HCN1: variants seen among roughly 807,000 people sequenced by gnomAD.
HCN1 encodes the protein hyperpolarization activated cyclic nucleotide gated potassium channel 1.
In HCN1, 13 loss-of-function variants were observed where a neutral mutation model predicts 78.9. That is an observed-to-expected ratio of 0.16 (90% CI 0.11 to 0.26). The LOEUF is 0.26. Among genes scored for constraint, HCN1 ranks in the 10% least tolerant of loss-of-function variants. The pLI, the probability that HCN1 is intolerant of heterozygous loss-of-function variation, is 1.00. For missense variants in HCN1, 810 were observed against 1,154.3 expected, an observed-to-expected ratio of 0.70 and a Z score of 4.32; for synonymous variants, 552 against 455.5, an observed-to-expected ratio of 1.21 and a Z score of -2.70.
chr5:45,521,874 T>C (rs540258144), intron 2 of HCN1, among the ~76,000 whole-genome samples: 1 of 152,166 alleles, frequency 6.6e-6, no homozygotes, highest in South Asian at 2.1e-4. Context: ...GGAATTATTA[T>C]GTTTGGTAGA....
At chr5:45,349,089 C>A (rs1244428273) in intron 5 of HCN1, among the ~76,000 whole-genome samples, 8 of 152,112 alleles carry the variant, frequency 5.3e-5, no homozygotes, top group Non-Finnish European at 1.2e-4. Flanking sequence ...AGCACCACAC[C>A]ACACCTCTTC....
At chr5:45,553,116 A>G (rs1055754308) in intron 2 of HCN1, among the ~76,000 whole-genome samples, 1 of 151,878 alleles carries the variant, frequency 6.6e-6, no homozygotes, top group Non-Finnish European at 1.5e-5. Context: ...CTCTGAAGGA[A>G]AGAAATGTAA....
At chr5:45,338,826 C>G (rs1561112902) in intron 5 of HCN1, among the ~76,000 whole-genome samples, 1 of 152,122 alleles carries the variant, frequency 6.6e-6, no homozygotes, top group Non-Finnish European at 1.5e-5. Context: ...CTTCAAAAAT[C>G]AGGTCTGGGT....
chr5:45,574,088 C>T (rs2111907738), intron 2 of HCN1, among the ~76,000 whole-genome samples: 1 of 152,124 alleles, frequency 6.6e-6, no homozygotes, highest in African/African-American at 2.4e-5. Context: ...TTTATTTTTC[C>T]TATCCTATCC....
chr5:45,461,442 T>A (rs1701095128), intron 3 of HCN1, among the ~76,000 whole-genome samples: 1 of 152,130 alleles, frequency 6.6e-6, no homozygotes, highest in Admixed American at 6.6e-5. Flanking sequence ...TGCCTTTGCA[T>A]GTTTTACAAT....
At chr5:45,374,113 CATAATATAT>C (rs1437643585) in intron 4 of HCN1, among the ~76,000 whole-genome samples, 2 of 83,928 alleles carry the variant, frequency 2.4e-5, no homozygotes, top group South Asian at 3.0e-4. Context: ...ATATTATATA[CATAATATAT>C]ATAATATATA....
At position 45,533,762 on chromosome 5, in the gene HCN1, G is replaced by T. The variant is rs1418758935; in HGVS notation, c.850-71755C>A. 2.0e-5 allele frequency among the ~76,000 whole-genome samples: 3 copies of T among 152,200 alleles called. No homozygotes were observed. In the East Asian group the frequency reaches 5.8e-4, roughly 29 times the overall value. On this transcript the variant is annotated intron_variant, in intron 2 of 7. Coordinates refer to ENST00000303230, the MANE Select transcript of HCN1 (RefSeq NM_021072.4). ...TGTTCCCATAAAGAGCAGAGGCTGA[G>T]CTGGAGTTCAGTTTTTTCTCACCTC...
chr5:45,586,297 G>C (rs1238413816), intron 2 of HCN1, among the ~76,000 whole-genome samples: 2 of 152,162 alleles, frequency 1.3e-5, no homozygotes, highest in Non-Finnish European at 2.9e-5. Flanking sequence ...AGTGAGTGAG[G>C]CTCTGTGGTG....
chr5:45,617,672 GAA>G (rs1326176725), intron 2 of HCN1, among the ~76,000 whole-genome samples: 5 of 152,054 alleles, frequency 3.3e-5, no homozygotes, highest in Admixed American at 3.3e-4. Context: ...AAAATTGAGA[GAA>G]AATCTAATTT....
At chr5:45,301,722 TA>T (rs34604835) in intron 6 of HCN1, among the ~76,000 whole-genome samples, 2,976 of 130,166 alleles carry the variant, frequency 0.023, 74 homozygotes, top group African/African-American at 0.068. Context: ...CCCTGTCATT[TA>T]AAAAAAAAAA....
chr5:45,298,211 A>C (rs1255728611), intron 6 of HCN1, among the ~76,000 whole-genome samples: 1 of 152,056 alleles, frequency 6.6e-6, no homozygotes, highest in Non-Finnish European at 1.5e-5. Flanking sequence ...TCATGGATTA[A>C]TTGGTTGATG....
chr5:45,374,021 A>C (rs1747514028), intron 4 of HCN1, among the ~76,000 whole-genome samples: 1 of 108,546 alleles, frequency 9.2e-6, no homozygotes, highest in Non-Finnish European at 1.8e-5. Context: ...AATATATATT[A>C]TATATATTAT....
chr5:45,631,862 G>T (rs934486651), intron 2 of HCN1, among the ~76,000 whole-genome samples: 4 of 152,128 alleles, frequency 2.6e-5, no homozygotes, highest in Non-Finnish European at 5.9e-5. Flanking sequence ...ACAAATTTAA[G>T]TTGTAGTTCT....
chr5:45,285,255 G>A (rs1745245231), intron 6 of HCN1, among the ~76,000 whole-genome samples: 2 of 151,996 alleles, frequency 1.3e-5, no homozygotes, highest in Non-Finnish European at 2.9e-5. Flanking sequence ...GGGCCTTGAA[G>A]ATTTTGTTTA....
intron 5 of HCN1, among the ~76,000 whole-genome samples, chr5:45,309,291 A>G (rs1403489769): frequency 6.6e-6 from 1 of 152,174 alleles, no homozygotes; most frequent in African/African-American, 2.4e-5. Flanking sequence ...TTTTCTAGAC[A>G]TGGGATCCTG....
intron 1 of HCN1, among the ~76,000 whole-genome samples, chr5:45,687,667 TA>T (rs1739835297): frequency 6.6e-6 from 1 of 152,182 alleles, no homozygotes; most frequent in South Asian, 2.1e-4. Flanking sequence ...CTGTTTGATT[TA>T]GTCTTTCTCT....
chr5:45,634,111 T>C (rs1745317758), intron 2 of HCN1, among the ~76,000 whole-genome samples: 2 of 151,978 alleles, frequency 1.3e-5, no homozygotes. Flanking sequence ...AAATTTTTAT[T>C]GCTTACTGGT....
Position 45,696,100 on chromosome 5 carries a change from A to G in HCN1, c.-7T>C. ...GCTTGCCGCCTCCTTCCATGCCCGG[A>G]GGACGCGGCCGGCGACGGCGCGGGC... On this transcript the variant is annotated 5_prime_UTR_variant, in exon 1 of 8. Transcript: ENST00000303230. 7.5e-7 allele frequency: 1 copy of G among 1,331,288 alleles called. No homozygotes were observed. The allele number at this position is 1,331,288 out of a possible 1,614,324, so 82.5% of individuals were successfully genotyped here. A position where few individuals can be genotyped will look rare whatever the true frequency, so the allele number is the denominator to read the frequency against.
intron 2 of HCN1, among the ~76,000 whole-genome samples, chr5:45,535,869 C>T (rs894616115): frequency 2.0e-5 from 3 of 152,080 alleles, no homozygotes; most frequent in Admixed American, 6.5e-5. Context: ...CTTAAGTCTT[C>T]AATGTCTTGT....
Sources: gnomAD v4.1 joint callset for allele counts (sites outside exome capture counted in the v4.1 genomes callset) on GRCh38, gnomAD v4.1.1 for gene constraint, MANE v1.5 for transcripts, NCBI Gene and HGNC (gene_info 2026-07-23, HGNC 2026-07-21) for gene names.